The following NHSL1 variants were observed in gnomAD, a reference collection of about 807,000 sequenced individuals.
The protein encoded by NHSL1 is NHS-like protein 1.
NHSL1 carries 48 observed loss-of-function variants against 95.0 expected under a neutral mutation model. That is an observed-to-expected ratio of 0.51 (90% CI 0.40 to 0.64). The LOEUF (loss-of-function observed/expected upper bound fraction) is 0.64, where lower values mean the gene tolerates loss of function less well. Among genes scored for constraint, NHSL1 ranks in the 30% least tolerant of loss-of-function variants. NHSL1 has a pLI of 0.00. For missense variants in NHSL1, 1,971 were observed against 2,077.7 expected (o/e 0.95, Z 1.00); for synonymous variants, 783 against 833.9 (o/e 0.94, Z 1.05).
rs117139139 is a variant in NHSL1 at position 138,607,202 on chromosome 6, C to T, written c.96+85274G>A. Among the ~76,000 whole-genome samples the T allele has an allele frequency of 5.3e-3, 803 of 152,320 alleles. 4 individuals carry two copies. The highest frequency in any genetic ancestry group is 7.5e-3 in the Non-Finnish European group (510 of 68,026). On this transcript the variant is annotated intron_variant, in intron 1 of 3. Coordinates refer to the NHSL1 transcript ENST00000491526. ...GCATCACGCCTGACACTCTTAAGTG[C>T]TCAAGTAATAAATGCATCCATTCAC...
chr6:138,561,529 G>A (rs942109253), intron 1 of NHSL1, among the ~76,000 whole-genome samples: 2 of 152,164 alleles, frequency 1.3e-5, no homozygotes, highest in Non-Finnish European at 2.9e-5. Flanking sequence ...ACGCCCTGTA[G>A]GCCAGGTTGC....
upstream of NHSL1, among the ~76,000 whole-genome samples, chr6:138,503,246 T>C (rs1780781170): frequency 6.6e-6 from 1 of 152,134 alleles, no homozygotes; most frequent in African/African-American, 2.4e-5. Flanking sequence ...AACACACTAG[T>C]TCCTCTCCTG....
chr6:138,582,447 C>T (rs1008498406), intron 1 of NHSL1, among the ~76,000 whole-genome samples: 1 of 151,960 alleles, frequency 6.6e-6, no homozygotes, highest in Admixed American at 6.6e-5. Flanking sequence ...AACCAGTAAG[C>T]AAATAGTCAT....
chr6:138,449,388 G>C (rs1777082302), intron 3 of NHSL1, among the ~76,000 whole-genome samples: 1 of 151,866 alleles, frequency 6.6e-6, no homozygotes, highest in Non-Finnish European at 1.5e-5. Flanking sequence ...TAAATATCAT[G>C]GATATGGGCC....
At chr6:138,603,718 T>C (rs1348773090) in intron 1 of NHSL1, among the ~76,000 whole-genome samples, 1 of 152,174 alleles carries the variant, frequency 6.6e-6, no homozygotes, top group Non-Finnish European at 1.5e-5. Flanking sequence ...GAGCATCTCA[T>C]CCCTTTAAAA....
chr6:138,661,182 A>G (rs1366652732), intron 1 of NHSL1, among the ~76,000 whole-genome samples: 1 of 152,154 alleles, frequency 6.6e-6, no homozygotes, highest in Non-Finnish European at 1.5e-5. Context: ...TTCATACATT[A>G]TCATGTATAG....
At position 138,448,484 on chromosome 6, in the gene NHSL1, C is replaced by T. The variant is rs73573218; in HGVS notation, c.340-1291G>A. Among the ~76,000 whole-genome samples the T allele has an allele frequency of 6.6e-3, 998 of 152,248 alleles. 16 individuals are homozygous for T. The highest frequency in any genetic ancestry group is 0.023 in the African/African-American group (970 of 41,522). On this transcript the variant is annotated intron_variant, in intron 3 of 7. Transcript: ENST00000343505. The stretch of plus-strand genomic sequence containing the variant: ...CTTCCCAAAGGGAATACCTGTACAA[C>T]CAGCACCCAGTTCAATACACCCGCT...
intron 1 of NHSL1, among the ~76,000 whole-genome samples, chr6:138,498,356 CT>C (rs1780481461): frequency 6.6e-6 from 1 of 152,170 alleles, no homozygotes; most frequent in South Asian, 2.1e-4. Flanking sequence ...GTCTCTTCCC[CT>C]CGTGTTCCTC....
intron 5 of NHSL1, among the ~76,000 whole-genome samples, chr6:138,440,347 T>C (rs1314449355): frequency 6.6e-6 from 1 of 152,084 alleles, no homozygotes. Flanking sequence ...AAAGCACACA[T>C]GTTTCCTTAA....
chr6:138,443,753 C>G (rs148458338), intron 4 of NHSL1, among the ~76,000 whole-genome samples: 195 of 152,310 alleles, frequency 1.3e-3, no homozygotes, highest in African/African-American at 4.6e-3. Context: ...TCGCTTGAGC[C>G]TGGGAGGCGG....
Position 138,590,017 on chromosome 6 carries a change from A to C in NHSL1, c.97-93646T>G, listed in dbSNP as rs574399920. ...TACTCTTTTATTTTATTTTACTTTG[A>C]GACAGGGTCTCACTCTGTTGCCCAG... On this transcript the variant is annotated intron_variant, in intron 1 of 3. Coordinates refer to the NHSL1 transcript ENST00000491526. 5.3e-5 allele frequency among the ~76,000 whole-genome samples: 8 copies of C among 149,904 alleles called. No homozygotes were observed. The South Asian group carries it at 1.0e-3, about 19-fold the overall frequency.
intron 2 of NHSL1, among the ~76,000 whole-genome samples, chr6:138,486,529 C>A (rs1231773381): frequency 1.3e-5 from 2 of 152,082 alleles, no homozygotes; most frequent in African/African-American, 4.8e-5. Flanking sequence ...CCCAGTTGTG[C>A]TCTTTTGCAG....
At chr6:138,603,344 T>TA (rs1215703946) in intron 1 of NHSL1, among the ~76,000 whole-genome samples, 16 of 152,118 alleles carry the variant, frequency 1.1e-4, no homozygotes, top group African/African-American at 3.1e-4. Context: ...GCCAACTGTG[T>TA]CAGCCTGGAT....
intron 3 of NHSL1, among the ~76,000 whole-genome samples, chr6:138,457,464 G>A (rs561788840): frequency 2.7e-4 from 41 of 152,066 alleles, no homozygotes; most frequent in Non-Finnish European, 5.1e-4. Flanking sequence ...CAGAATCGAC[G>A]TCCTCTAGGT....
In NHSL1 at chr6:138,665,347, C is replaced by T. The variant is rs575002996; in HGVS notation, c.96+27129G>A. On this transcript the variant is annotated intron_variant, in intron 1 of 3. Coordinates refer to the NHSL1 transcript ENST00000491526. ...ATATTGCCAACATCCTGCTGAATAT[C>T]CCCTGGAAGCTTAACATCTGTGAGT... Among the ~76,000 whole-genome samples the T allele has an allele frequency of 2.6e-5, 4 of 152,292 alleles. No homozygotes were observed. In the South Asian group the frequency reaches 8.3e-4, roughly 32 times the overall value.
intron 1 of NHSL1, among the ~76,000 whole-genome samples, chr6:138,516,051 G>C (rs1781446793): frequency 6.6e-6 from 1 of 152,232 alleles, no homozygotes; most frequent in African/African-American, 2.4e-5. Context: ...AGCCGGCCTA[G>C]CATTTGCAAA....
chr6:138,450,231 A>C (rs1413888099), intron 3 of NHSL1, among the ~76,000 whole-genome samples: 1 of 152,216 alleles, frequency 6.6e-6, no homozygotes, highest in Non-Finnish European at 1.5e-5. Flanking sequence ...ATGTCACTGA[A>C]GAATTTCATG....
intron 3 of NHSL1, among the ~76,000 whole-genome samples, chr6:138,461,110 G>T (rs1777968089): frequency 6.6e-6 from 1 of 152,100 alleles, no homozygotes; most frequent in South Asian, 2.1e-4. Context: ...GTAGAATGGA[G>T]TTGTGGTTTA....
In NHSL1 at chr6:138,433,658, A is replaced by C. The variant is rs1174054387; in HGVS notation, c.687T>G (p.Asp229Glu). 6.5e-7 allele frequency: 1 copy of C among 1,543,956 alleles called. No individual in the cohort carries two copies. Among genetic ancestry groups the C allele is most frequent in the African/African-American group, 1.4e-5 (1 of 72,910 alleles). Reference protein sequence around the residue: ...KELASGTGQDDADGHSVYTPD... With the variant: ...KELASGTGQDEADGHSVYTPD... ...GGGTGTACACTGAGTGGCCATCAGC[A>C]TCATCTTGGCCAGTGCCTGATGCTG... Residue 229 changes from aspartate to glutamate, a missense_variant, in exon 6 of 8, where the codon GAT becomes GAG. By Grantham distance (45) the Asp-to-Glu change is conservative. Coordinates refer to ENST00000343505, the MANE Select transcript of NHSL1 (RefSeq NM_001144060.2).
Sources: allele counts gnomAD v4.1 joint callset (sites outside exome capture counted in the v4.1 genomes callset), GRCh38; gene constraint gnomAD v4.1.1; transcripts MANE v1.5; gene names NCBI Gene and HGNC (gene_info 2026-07-23, HGNC 2026-07-21).